Variants in ARHGEF4 observed in about 807,000 individuals in gnomAD.
ARHGEF4 encodes the protein APC-stimulated guanine nucleotide exchange factor 1.
ARHGEF4 carries 119 observed loss-of-function variants against 162.0 expected under a neutral mutation model. That is an observed-to-expected ratio of 0.73 (90% CI 0.63 to 0.86). The LOEUF (loss-of-function observed/expected upper bound fraction) is 0.86, where lower values mean the gene tolerates loss of function less well. Ranked by LOEUF, ARHGEF4 falls within the 40% of genes least tolerant of loss-of-function variation. The pLI is 0.00. For missense variants in ARHGEF4, 2,488 were observed against 2,456.0 expected, an observed-to-expected ratio of 1.01 and a Z score of -0.28; for synonymous variants, 1,014 against 979.9, an observed-to-expected ratio of 1.03 and a Z score of -0.65.
intron 4 of ARHGEF4, among the ~76,000 whole-genome samples, chr2:131,026,245 G>A (rs1343408368): frequency 6.6e-6 from 1 of 152,148 alleles, no homozygotes; most frequent in Non-Finnish European, 1.5e-5. Context: ...TGGATTAACA[G>A]CATACATATC....
intron 4 of ARHGEF4, chr2:130,963,614 C>G (rs1558776289): frequency 1.4e-5 from 2 of 147,932 alleles, no homozygotes; most frequent in African/African-American, 4.9e-5. Flanking sequence ...CGACCCGGAG[C>G]CCCGCGCCCG....
chr2:130,894,431 A>G (rs963707310), intron 1 of ARHGEF4, among the ~76,000 whole-genome samples: 1 of 152,074 alleles, frequency 6.6e-6, no homozygotes, highest in Non-Finnish European at 1.5e-5. Context: ...TGCTGACTAA[A>G]TCCAGTAGTC....
Position 130,917,044 on chromosome 2 carries a change from C to G in ARHGEF4, c.3098C>G (p.Thr1033Arg). The G allele has an allele frequency of 2.6e-6, 4 of 1,550,890 alleles. No homozygotes were observed. Among genetic ancestry groups the G allele is most frequent in the Non-Finnish European group, 3.5e-6 (4 of 1,147,038 alleles). Reference sequence around the variant, plus strand: ...AAAAGTGAACCGACCATCAAGTGCACAGCCACCCAGGAAGGCGGTAGGTAC... The same window carrying G: ...AAAAGTGAACCGACCATCAAGTGCAGAGCCACCCAGGAAGGCGGTAGGTAC... ...RRKSEPTIKCTATQEGGRYLP... is the reference protein window; with the variant it reads ...RRKSEPTIKCRATQEGGRYLP... The change falls in exon 2 of 14, where the codon ACA becomes AGA. Residue 1033 changes from threonine (T) to arginine (R), a missense_variant. Transcript: ENST00000409359.
intron 1 of ARHGEF4, among the ~76,000 whole-genome samples, chr2:130,888,961 CGGGCATGGTGGT>C (rs1287195298): frequency 2.0e-5 from 3 of 151,666 alleles, no homozygotes; most frequent in African/African-American, 7.3e-5. Flanking sequence ...AAAAATTAGC[CGGGCATGGTGGT>C]AGGCATCTGT....
At chr2:130,905,380 C>G (rs2105027437) in intron 1 of ARHGEF4, among the ~76,000 whole-genome samples, 1 of 152,202 alleles carries the variant, frequency 6.6e-6, no homozygotes, top group South Asian at 2.1e-4. Context: ...AAGTTAGAAT[C>G]TCTCAAGTGA....
chr2:130,867,566 C>T (rs1682375727), intron 1 of ARHGEF4, among the ~76,000 whole-genome samples: 1 of 152,052 alleles, frequency 6.6e-6, no homozygotes, highest in African/African-American at 2.4e-5. Context: ...TCATTCAGTT[C>T]AAAATATTTT....
At chr2:130,993,071 A>G (rs1019743156) in intron 4 of ARHGEF4, among the ~76,000 whole-genome samples, 3 of 152,194 alleles carry the variant, frequency 2.0e-5, no homozygotes, top group Non-Finnish European at 2.9e-5. Flanking sequence ...GCAACAGAGC[A>G]AGACTGTTCA....
intron 10 of ARHGEF4, among the ~76,000 whole-genome samples, chr2:131,042,500 G>A (rs931426362): frequency 7.3e-5 from 10 of 136,608 alleles, no homozygotes; most frequent in East Asian, 4.7e-4. Context: ...ATCTGTTCCC[G>A]AAGGCTCCCT....
At chr2:130,909,656 TAA>T (rs113498526) in intron 1 of ARHGEF4, among the ~76,000 whole-genome samples, 4 of 145,452 alleles carry the variant, frequency 2.8e-5, no homozygotes, top group African/African-American at 5.0e-5. Context: ...AATAAAGTTG[TAA>T]AAAAAAAAAG....
intron 1 of ARHGEF4, 108 bp from the exon 2 acceptor site, chr2:130,913,878 T>C (rs1287710994): frequency 7.5e-7 from 1 of 1,341,444 alleles, no homozygotes; most frequent in African/African-American, 1.5e-5. Context: ...GGGGAACTAA[T>C]GAGCCATTTC....
At chr2:130,980,996 G>A (rs186820606) in intron 4 of ARHGEF4, among the ~76,000 whole-genome samples, 21 of 152,234 alleles carry the variant, frequency 1.4e-4, no homozygotes, top group African/African-American at 5.1e-4. Context: ...AAACACCATT[G>A]AAACATTTCT....
At chr2:130,847,155 G>T (rs1207696835) in intron 1 of ARHGEF4, among the ~76,000 whole-genome samples, 2 of 152,208 alleles carry the variant, frequency 1.3e-5, no homozygotes, top group East Asian at 1.9e-4. Context: ...CGGACACCTG[G>T]CCCCAAAGCC....
rs753795389 is a variant in ARHGEF4 at position 130,931,171 on chromosome 2, G to A, written c.3772G>A (p.Glu1258Lys). The change falls in exon 3 of 14, where the codon GAG becomes AAG. Residue 1258 changes from glutamate to lysine, a missense_variant. This residue lies in a region of ARHGEF4 where 1,642 missense variants were observed against 1,481.5 expected (regional missense o/e 1.11). Coordinates refer to ENST00000409359, the MANE Select transcript of ARHGEF4 (RefSeq NM_001367493.1). ...CGTCAGTGTGGATGACCTGTGGCTG[G>A]AGAAGACACAGAGAAAGAAGTTGCA... is the stretch of plus-strand genomic sequence containing the variant. ...SPVSVDDLWL[E>K]KTQRKKLQKQ... 6 of 1,614,064 alleles carry A rather than the reference G, an allele frequency of 3.7e-6. No individual in the cohort carries two copies. In the Admixed American group the frequency reaches 1.0e-4, roughly 27 times the overall value.
chr2:130,955,307 C>T (rs981729675), intron 4 of ARHGEF4, among the ~76,000 whole-genome samples: 1 of 152,010 alleles, frequency 6.6e-6, no homozygotes, highest in Non-Finnish European at 1.5e-5. Flanking sequence ...CAGCTTTTTT[C>T]CCCATTGTAT....
intron 4 of ARHGEF4, among the ~76,000 whole-genome samples, chr2:130,947,806 T>C (rs1320512786): frequency 1.3e-5 from 2 of 152,184 alleles, no homozygotes; most frequent in Non-Finnish European, 2.9e-5. Context: ...GGCAGATCTG[T>C]CTTCTGGTGG....
chr2:130,874,368 C>T (rs937925648), intron 1 of ARHGEF4, among the ~76,000 whole-genome samples: 1 of 152,236 alleles, frequency 6.6e-6, no homozygotes, highest in South Asian at 2.1e-4. Flanking sequence ...GTTCCCAAGT[C>T]ATTCTGCTGA....
rs558802475 is a variant in ARHGEF4, at chr2:130,871,755, T to C, written c.39+34763T>C. On this transcript the variant is annotated intron_variant, in intron 1 of 13. Coordinates refer to ENST00000409359, the MANE Select transcript of ARHGEF4 (RefSeq NM_001367493.1). ...GCTTCATGCCAGCAACCTGGGAAACTCAGGTCCACTCTCCCCTACACTGGA... is the reference window on the plus strand; with the variant it reads ...GCTTCATGCCAGCAACCTGGGAAACCCAGGTCCACTCTCCCCTACACTGGA... Among the ~76,000 whole-genome samples, 22 of 152,134 alleles carry C rather than the reference T, an allele frequency of 1.4e-4. No homozygotes were observed. In the South Asian group the frequency reaches 1.9e-3, roughly 13 times the overall value.
chr2:131,008,135 G>T (rs957881828), intron 4 of ARHGEF4, among the ~76,000 whole-genome samples: 7 of 151,942 alleles, frequency 4.6e-5, no homozygotes, highest in African/African-American at 1.7e-4. Context: ...TTTTGAATTG[G>T]CTACATGGTG....
chr2:131,034,957 C>G, intron 5 of ARHGEF4: 4 of 982,834 alleles, frequency 4.1e-6, no homozygotes, highest in Middle Eastern at 5.2e-4. Context: ...GCGCCGCGCG[C>G]ACGGCGCCGG....
Sources: gnomAD v4.1 joint callset for allele counts (sites outside exome capture counted in the v4.1 genomes callset) on GRCh38, gnomAD v4.1.1 for gene constraint, gnomAD v4.1.1 regional missense constraint, MANE v1.5 for transcripts, NCBI Gene and HGNC (gene_info 2026-07-23, HGNC 2026-07-21) for gene names.